The following ANOS1 variants were observed in gnomAD, a reference collection of about 807,000 sequenced individuals.
The protein encoded by ANOS1 is anosmin 1, also known as anosmin-1.
Under a neutral mutation model 59.0 loss-of-function variants are expected in ANOS1, and 6 were observed. The observed-to-expected ratio is 0.10, with a 90% CI of 0.06 to 0.20. The LOEUF is 0.20. ANOS1 is among the 10% of genes least tolerant of loss of function. ANOS1 has a pLI of 1.00. For missense variants in ANOS1, 433 were observed against 542.3 expected (o/e 0.80, Z 2.00); for synonymous variants, 217 against 223.4 (o/e 0.97, Z 0.25).
chrX:8,716,278 C>G (rs1251304982), intron 1 of ANOS1, among the ~76,000 whole-genome samples: 1 of 111,895 alleles, frequency 8.9e-6, no homozygotes, highest in African/African-American at 3.2e-5. Context: ...GCTCACATGC[C>G]ACGACACATC....
In ANOS1 at chrX:8,587,781, A is replaced by G. The variant is rs1300516285; in HGVS notation, c.726+13T>C. Reference sequence around the variant, plus strand: ...CTCCAGGATGAAAATCAAAGTCTATATGAGGTTCTTACCTGGGCCACTGTC... The same window carrying G: ...CTCCAGGATGAAAATCAAAGTCTATGTGAGGTTCTTACCTGGGCCACTGTC... On this transcript the variant is annotated intron_variant, in intron 5 of 13. Coordinates refer to ENST00000262648, the MANE Select transcript of ANOS1 (RefSeq NM_000216.4). The G allele has an allele frequency of 2.5e-6, 3 of 1,183,785 alleles. No individual in the cohort carries two copies. The East Asian group carries it at 9.1e-5, about 36-fold the overall frequency.
chrX:8,603,218 T>C (rs1305741487), intron 3 of ANOS1, among the ~76,000 whole-genome samples: 5 of 112,513 alleles, frequency 4.4e-5, no homozygotes, highest in African/African-American at 9.7e-5. Context: ...TGGATGTCAT[T>C]ATGCCTCCAA....
chrX:8,595,148 A>C (rs1409577585), intron 4 of ANOS1, among the ~76,000 whole-genome samples: 2 of 111,201 alleles, frequency 1.8e-5, no homozygotes, highest in Non-Finnish European at 3.8e-5. Context: ...TATAGGTTTT[A>C]CAAAAGGGTT....
At position 8,535,787 on chromosome X, in the gene ANOS1, G is replaced by A; in HGVS notation, c.1646C>T (p.Ala549Val). ...TGAAGCAGAAAGGTTCTCAGGCTTAGCTAGCACCTTAGAAAGAACATGACC... is the reference window on the plus strand; with the variant it reads ...TGAAGCAGAAAGGTTCTCAGGCTTAACTAGCACCTTAGAAAGAACATGACC... ...EAGHVLSKVL[A>V]KPENLSASFI... Residue 549 changes from alanine to valine, a missense_variant, in exon 12 of 14, where the codon GCT (alanine) becomes GTT (valine). By Grantham distance (64) the Ala-to-Val change is moderately conservative (BLOSUM62 0). Transcript: ENST00000262648. The A allele has an allele frequency of 1.7e-6, 2 of 1,209,130 alleles. No individual in the cohort carries two copies. Among genetic ancestry groups the A allele is most frequent in the Non-Finnish European group, 2.2e-6 (2 of 892,821 alleles).
intron 2 of ANOS1, among the ~76,000 whole-genome samples, chrX:8,666,898 C>G (rs1028115393): frequency 2.7e-5 from 3 of 111,114 alleles, no homozygotes; most frequent in Non-Finnish European, 3.8e-5. Context: ...GAGGGGGGCC[C>G]AGACAACATC....
At chrX:8,565,165 G>C (rs1930089721) in intron 8 of ANOS1, among the ~76,000 whole-genome samples, 1 of 111,980 alleles carries the variant, frequency 8.9e-6, no homozygotes, top group East Asian at 2.8e-4. Context: ...GAAATTAACA[G>C]ATATTAAATT....
chrX:8,633,489 T>C (rs1290344587), intron 2 of ANOS1, among the ~76,000 whole-genome samples: 1 of 112,049 alleles, frequency 8.9e-6, no homozygotes, highest in Non-Finnish European at 1.9e-5. Flanking sequence ...GCATTCCTAT[T>C]TTTCAACCGC....
At chrX:8,606,661 A>AAGT (rs1208355434) in intron 3 of ANOS1, among the ~76,000 whole-genome samples, 4 of 112,625 alleles carry the variant, frequency 3.6e-5, no homozygotes, top group African/African-American at 1.3e-4. Flanking sequence ...CCAGCCATTT[A>AAGT]AGTAGGCATT....
At chrX:8,619,070 C>CAAAAAAAAAAAAAA (rs1164164251) in intron 3 of ANOS1, among the ~76,000 whole-genome samples, 91 of 43,963 alleles carry the variant, frequency 2.1e-3, no homozygotes, top group Non-Finnish European at 2.9e-3. Context: ...AAACCTCTCT[C>CAAAAAAAAAAAAAA]AAAAAAAAAA....
intron 9 of ANOS1, among the ~76,000 whole-genome samples, chrX:8,544,004 C>T (rs1325421053): frequency 9.1e-6 from 1 of 110,421 alleles, no homozygotes; most frequent in Non-Finnish European, 1.9e-5. Context: ...AAAGAAAGTA[C>T]CTGAAAAGTA....
rs149061952 is a variant in ANOS1, at chrX:8,622,018, C to T, written c.318+1590G>A. Among the ~76,000 whole-genome samples, 231 of 112,006 alleles carry T rather than the reference C, an allele frequency of 2.1e-3. 1 individual carries two copies. Among genetic ancestry groups the T allele is most frequent in the South Asian group, 0.011 (29 of 2,654 alleles). On this transcript the variant is annotated intron_variant, in intron 3 of 13. Transcript: ENST00000262648. ...CATGGGATGGCCTCACTCTCCTTAT[C>T]CTTGCAGCAAATCACCAGTTTTGTT...
intron 1 of ANOS1, among the ~76,000 whole-genome samples, chrX:8,709,962 G>A (rs895493024): frequency 8.2e-5 from 9 of 109,511 alleles, no homozygotes; most frequent in Admixed American, 2.9e-4. Flanking sequence ...ATGGAGTCTC[G>A]CTCTGTTGCC....
chrX:8,613,652 GT>G (rs1033287608), intron 3 of ANOS1, among the ~76,000 whole-genome samples: 2 of 106,378 alleles, frequency 1.9e-5, no homozygotes, highest in African/African-American at 6.9e-5. Context: ...TTTGTTGTTT[GT>G]TTTTTAAAAC....
At chrX:8,619,353 C>T (rs7058619) in intron 3 of ANOS1, among the ~76,000 whole-genome samples, 43,026 of 110,569 alleles carry the variant, frequency 0.39, 6,891 homozygotes, top group African/African-American at 0.61. Context: ...CGCCTGTAAT[C>T]CCAGCACTTT....
intron 1 of ANOS1, among the ~76,000 whole-genome samples, chrX:8,727,444 T>C (rs939735385): frequency 8.9e-6 from 1 of 112,302 alleles, no homozygotes; most frequent in Non-Finnish European, 1.9e-5. Context: ...CATTCCATGC[T>C]AGTAGCATGA....
intron 2 of ANOS1, among the ~76,000 whole-genome samples, chrX:8,659,254 T>C (rs891442712): frequency 9.3e-6 from 1 of 107,978 alleles, no homozygotes; most frequent in Admixed American, 9.9e-5. Context: ...TACACATCTA[T>C]GTATATATTA....
In ANOS1 at chrX:8,535,603, C is replaced by G; in HGVS notation, c.1830G>C (p.Gln610His). 8.3e-7 allele frequency: 1 copy of G among 1,206,145 alleles called. No homozygotes were observed. Among genetic ancestry groups the G allele is most frequent in the Non-Finnish European group, 1.1e-6 (1 of 890,241 alleles). Residue 610 changes from glutamine (Q) to histidine (H), a missense_variant, in exon 12 of 14, where the codon CAG becomes CAC. Physicochemically the swap from Gln to His is conservative, Grantham distance 24. Transcript: ENST00000262648. ...SLPNSIISQS[Q>H]ILPSDHYVLT... ...AGGTGGGACCTACGGAAGGCAGGAT[C>G]TGGGACTGTGAAATAATGCTGTTGG...
rs202093353 is a variant in ANOS1 at position 8,672,161 on chromosome X, CACAT to C, written c.255+27533_255+27536del. ...GACTGGCTTTACATATACACACATG[CACAT>C]ACACACACACACACACACACACACA... On this transcript the variant is annotated intron_variant, in intron 2 of 13. Coordinates refer to ENST00000262648, the MANE Select transcript of ANOS1 (RefSeq NM_000216.4). 9.4e-3 allele frequency among the ~76,000 whole-genome samples: 1,011 copies of C among 107,224 alleles called. 12 individuals carry two copies. The highest frequency in any genetic ancestry group is 0.036 in the African/African-American group (981 of 27,602). 93.1% of individuals were successfully genotyped at this position (107,224 alleles called of 115,157 possible).
intron 2 of ANOS1, among the ~76,000 whole-genome samples, chrX:8,649,351 C>T (rs888912632): frequency 9.0e-5 from 10 of 111,526 alleles, no homozygotes; most frequent in African/African-American, 3.3e-4. Flanking sequence ...AGTTGACATA[C>T]GTGACTATGT....
Sources: gnomAD v4.1 joint callset for allele counts (sites outside exome capture counted in the v4.1 genomes callset) on GRCh38, gnomAD v4.1.1 for gene constraint, MANE v1.5 for transcripts, NCBI Gene and HGNC (gene_info 2026-07-23, HGNC 2026-07-21) for gene names.